HELQ: variants seen among roughly 807,000 people sequenced by gnomAD.
The protein encoded by HELQ is helicase POLQ-like.
HELQ carries 77 observed loss-of-function variants against 111.6 expected under a neutral mutation model. The ratio of observed to expected loss-of-function variants is 0.69; its 90% CI spans 0.57 to 0.83. The LOEUF (loss-of-function observed/expected upper bound fraction) is 0.83, where lower values mean the gene tolerates loss of function less well. Ranked by LOEUF, HELQ falls within the 40% of genes least tolerant of loss-of-function variation. The pLI is 0.00. For missense variants in HELQ, 1,200 were observed against 1,288.5 expected, an observed-to-expected ratio of 0.93 and a Z score of 1.05; for synonymous variants, 438 against 454.7, an observed-to-expected ratio of 0.96 and a Z score of 0.47.
chr4:83,421,535 G>A, intron 15 of HELQ, 28 bp downstream of exon 15: 1 of 1,573,052 alleles, frequency 6.4e-7, no homozygotes, highest in Non-Finnish European at 8.7e-7. Context: ...GATGCACAAA[G>A]TACATATCAT....
At position 83,453,300 on chromosome 4, in the gene HELQ, G is replaced by A; in HGVS notation, c.943C>T (p.Pro315Ser). ...ACTTTGCTGGGTAATGAATAAAAAG[G>A]ACCAAGGTCATTTGATGATGACTCA... is the stretch of plus-strand genomic sequence containing the variant. ...TVESSSNDLG[P>S]FYSLPSKVRD... Residue 315 changes from proline to serine, a missense_variant, in exon 2 of 18, where the codon CCT (proline) becomes TCT (serine). This residue lies in a region of HELQ where 610 missense variants were observed against 607.1 expected (regional missense o/e 1.00). Coordinates refer to ENST00000295488, the MANE Select transcript of HELQ (RefSeq NM_133636.5). 1 of 1,613,864 alleles carries A rather than the reference G, an allele frequency of 6.2e-7. No homozygotes were observed. The highest frequency in any genetic ancestry group is 1.3e-5 in the African/African-American group (1 of 75,038).
At position 83,429,217 on chromosome 4, in the gene HELQ, A is replaced by G. The variant is rs186198616; in HGVS notation, c.2518+307T>C. Among the ~76,000 whole-genome samples the G allele has an allele frequency of 2.7e-3, 412 of 152,004 alleles. 4 individuals carry two copies. Among genetic ancestry groups the G allele is most frequent in the African/African-American group, 9.6e-3 (396 of 41,462 alleles). On this transcript the variant is annotated intron_variant, in intron 12 of 17. Transcript: ENST00000295488. ...CCTGGAGTGCAGTGGTGTGATCTCG[A>G]CTCACTGCAACCTCTGCCTCCCAGG...
Position 83,407,432 on chromosome 4 carries a change from G to T in HELQ, c.*21C>A. 2 of 1,456,856 alleles carry T rather than the reference G, an allele frequency of 1.4e-6. No homozygotes were observed. Among genetic ancestry groups the T allele is most frequent in the Non-Finnish European group, 1.9e-6 (2 of 1,061,436 alleles). 90.2% of individuals were successfully genotyped at this position (1,456,856 alleles called of 1,614,324 possible). On this transcript the variant is annotated 3_prime_UTR_variant, in exon 18 of 18. Transcript: ENST00000295488. The stretch of plus-strand genomic sequence containing the variant: ...CATGTACAATAAATAATTCATATAT[G>T]AAAATTCTCATCAGATAGCTTCATG...
Position 83,427,755 on chromosome 4 carries a change from A to G in HELQ, c.2519-35T>C, listed in dbSNP as rs535218635. On this transcript the variant is annotated intron_variant, in intron 12 of 17. Coordinates refer to ENST00000295488, the MANE Select transcript of HELQ (RefSeq NM_133636.5). ...AGATACAAATATTCAATCTTTCACA[A>G]TTACCAGAGGGGCAAAGAGATGGCT... 62 of 1,397,526 alleles carry G rather than the reference A, an allele frequency of 4.4e-5. No homozygotes were observed. In the South Asian group the frequency reaches 9.3e-4, roughly 21 times the overall value. 86.6% of individuals were successfully genotyped at this position (1,397,526 alleles called of 1,614,324 possible). A position where few individuals can be genotyped will look rare whatever the true frequency, so the allele number is the denominator to read the frequency against.
chr4:83,447,004 A>G lies in HELQ; in HGVS notation c.1223T>C (p.Leu408Pro), dbSNP rs1385269020. 1 of 1,613,462 alleles carries G rather than the reference A, an allele frequency of 6.2e-7. No homozygotes were observed. The highest frequency in any genetic ancestry group is 1.7e-5 in the Admixed American group (1 of 60,010). Reference protein sequence around the residue: ...ISGLSSFGIELGFFVEEYAGS... With the variant: ...ISGLSSFGIEPGFFVEEYAGS... ...AGCATATTCTTCAACAAAGAAACCG[A>G]GTTCTATACCAAAACTTGACAAACC... The change falls in exon 4 of 18, where the codon CTC (leucine) becomes CCC (proline). Residue 408 changes from leucine (L) to proline (P), a missense_variant. Leu to Pro is a moderately conservative substitution (Grantham distance 98). Around this residue, in one of 3 missense-constraint regions of HELQ, gnomAD observed 610 missense variants for 607.1 expected, o/e 1.00. Transcript: ENST00000295488.
At chr4:83,446,620 C>G (rs1721061615) in intron 4 of HELQ, among the ~76,000 whole-genome samples, 1 of 152,074 alleles carries the variant, frequency 6.6e-6, no homozygotes, top group Non-Finnish European at 1.5e-5. Flanking sequence ...AAATTGTATA[C>G]TACACACATA....
intron 17 of HELQ, among the ~76,000 whole-genome samples, chr4:83,412,900 C>A (rs191570347): frequency 6.6e-4 from 101 of 152,316 alleles, no homozygotes; most frequent in African/African-American, 2.3e-3. Context: ...CACAGAGAGG[C>A]CAGAAGAATC....
At chr4:83,432,733 A>T (rs1216647492) in intron 9 of HELQ, among the ~76,000 whole-genome samples, 2 of 152,196 alleles carry the variant, frequency 1.3e-5, no homozygotes, top group Admixed American at 1.3e-4. Flanking sequence ...TGCAGATGTC[A>T]ACTGTTTTTG....
intron 12 of HELQ, 133 bp downstream of exon 12, chr4:83,429,391 C>T (rs898937889): frequency 2.0e-5 from 13 of 650,020 alleles, no homozygotes; most frequent in East Asian, 1.4e-4. Flanking sequence ...TCAAGTGATC[C>T]GCTCCCCTTG....
At chr4:83,421,455 T>C (rs1739677777) in intron 15 of HELQ, 108 bp downstream of exon 15, 2 of 762,540 alleles carry the variant, frequency 2.6e-6, no homozygotes, top group Admixed American at 2.9e-5. Flanking sequence ...TAACAGAATA[T>C]GTCAACAAGG....
intron 17 of HELQ, among the ~76,000 whole-genome samples, chr4:83,410,985 T>TAA (rs770944150): frequency 4.5e-5 from 6 of 132,454 alleles, no homozygotes; most frequent in Admixed American, 1.5e-4. Context: ...ACCCCATCTC[T>TAA]AAAAAAAAAA....
At chr4:83,426,169 A>G (rs1719838754) in intron 13 of HELQ, 77 bp from the exon 14 acceptor site, 7 of 746,536 alleles carry the variant, frequency 9.4e-6, no homozygotes, top group South Asian at 1.6e-5. Flanking sequence ...TTCTTTTGAT[A>G]TCACATTCTC....
chr4:83,418,595 A>G (rs1739486000), intron 15 of HELQ, among the ~76,000 whole-genome samples: 2 of 152,244 alleles, frequency 1.3e-5, no homozygotes, highest in Non-Finnish European at 2.9e-5. Flanking sequence ...ATGATGTTCA[A>G]TGCAACAATA....
Position 83,439,453 on chromosome 4 carries a change from G to A in HELQ, c.1808+410C>T, listed in dbSNP as rs544776226. Among the ~76,000 whole-genome samples the A allele has an allele frequency of 2.0e-5, 3 of 151,346 alleles. No individual in the cohort carries two copies. The Admixed American group carries it at 2.0e-4, about 10-fold the overall frequency. On this transcript the variant is annotated intron_variant, in intron 8 of 17. Coordinates refer to ENST00000295488, the MANE Select transcript of HELQ (RefSeq NM_133636.5). ...CAGCTAACTGCAACCTCCGCCTCCCGGGTCCAACAGATTCTCATGTCTCAG... is the reference window on the plus strand; with the variant it reads ...CAGCTAACTGCAACCTCCGCCTCCCAGGTCCAACAGATTCTCATGTCTCAG...
In HELQ at chr4:83,407,541, GC is replaced by G; in HGVS notation, c.3217del (p.Ala1073GlnfsTer8). 1.9e-6 allele frequency: 3 copies of G among 1,610,768 alleles called. No individual in the cohort carries two copies. The highest frequency in any genetic ancestry group is 2.5e-6 in the Non-Finnish European group (3 of 1,178,714). On this transcript the variant is annotated frameshift_variant, in exon 18 of 18. Transcript: ENST00000295488. LOFTEE classifies it low-confidence loss of function (END_TRUNC). ...SSAKMLLHEK[A>X]EALQEEVEEL... ...TTCTACCTCTTCTTGCAGGGCTTCT[GC>G]TTTTTCATGCAACAGCATCTACATT...
intron 9 of HELQ, among the ~76,000 whole-genome samples, chr4:83,436,259 CTG>C (rs1720453354): frequency 6.6e-6 from 1 of 152,152 alleles, no homozygotes; most frequent in African/African-American, 2.4e-5. Flanking sequence ...CAATGAACCT[CTG>C]TGATCTCGCT....
At chr4:83,441,228 C>A in intron 7 of HELQ, 77 bp downstream of exon 7, 1 of 787,630 alleles carries the variant, frequency 1.3e-6, no homozygotes. Context: ...GACTATTCTA[C>A]GGAATCCATT....
intron 17 of HELQ, among the ~76,000 whole-genome samples, chr4:83,411,847 T>C (rs937679696): frequency 1.3e-5 from 2 of 151,966 alleles, no homozygotes; most frequent in African/African-American, 4.8e-5. Flanking sequence ...CTTGCTATGT[T>C]GCCCAGGCTG....
intron 17 of HELQ, among the ~76,000 whole-genome samples, chr4:83,409,424 G>A (rs904762785): frequency 1.3e-5 from 2 of 152,076 alleles, no homozygotes; most frequent in African/African-American, 2.4e-5. Context: ...CAAGGTGGCC[G>A]GCGCCTGTAG....
Sources: allele counts gnomAD v4.1 joint callset (sites outside exome capture counted in the v4.1 genomes callset), GRCh38; gene constraint gnomAD v4.1.1; regional missense constraint gnomAD v4.1.1; transcripts MANE v1.5; gene names NCBI Gene and HGNC (gene_info 2026-07-23, HGNC 2026-07-21).